The following PLXNC1 variants were observed in gnomAD, a reference collection of about 807,000 sequenced individuals.
PLXNC1 encodes plexin-C1.
Under a neutral mutation model 178.2 loss-of-function variants are expected in PLXNC1, and 75 were observed. The ratio of observed to expected loss-of-function variants is 0.42; its 90% CI spans 0.35 to 0.51. PLXNC1 has a LOEUF of 0.51. Ranked by LOEUF, PLXNC1 falls within the 20% of genes least tolerant of loss-of-function variation. The pLI is 0.02. For missense variants in PLXNC1, 1,503 were observed against 1,984.4 expected, an observed-to-expected ratio of 0.76 and a Z score of 4.61; for synonymous variants, 790 against 779.9, an observed-to-expected ratio of 1.01 and a Z score of -0.22.
At chr12:94,186,531 A>G in intron 4 of PLXNC1, 58 bp downstream of exon 4, 1 of 1,069,202 alleles carries the variant, frequency 9.4e-7, no homozygotes, top group Non-Finnish European at 1.4e-6. Context: ...CATGCGGCAG[A>G]ACACTTGTTG....
At chr12:94,251,337 G>C in intron 14 of PLXNC1, 89 bp from the exon 15 acceptor site, 1 of 755,138 alleles carries the variant, frequency 1.3e-6, no homozygotes. Flanking sequence ...GCTTCTTTTT[G>C]TATTGTGAAG....
At chr12:94,226,183 C>G (rs1461144659) in intron 7 of PLXNC1, among the ~76,000 whole-genome samples, 1 of 152,220 alleles carries the variant, frequency 6.6e-6, no homozygotes, top group Non-Finnish European at 1.5e-5. Context: ...CACTTTCTGT[C>G]TCACATCTTC....
chr12:94,288,912 GT>G (rs777888486), intron 23 of PLXNC1, among the ~76,000 whole-genome samples: 95 of 152,256 alleles, frequency 6.2e-4, no homozygotes, highest in Non-Finnish European at 1.2e-3. Flanking sequence ...TGATTCTCAT[GT>G]TTTCAGATTT....
chr12:94,284,087 GAAAA>G (rs796439911), intron 23 of PLXNC1, among the ~76,000 whole-genome samples: 9 of 82,696 alleles, frequency 1.1e-4, no homozygotes, highest in African/African-American at 3.0e-4. Context: ...CATGTCAGGG[GAAAA>G]AAAAAAAAAA....
intron 20 of PLXNC1, among the ~76,000 whole-genome samples, chr12:94,263,408 G>C (rs1965058840): frequency 6.6e-6 from 1 of 152,030 alleles, no homozygotes; most frequent in Admixed American, 6.5e-5. Flanking sequence ...GCTCAGTCTA[G>C]CTACTCTCCA....
Position 94,305,239 on chromosome 12 carries a change from A to G in PLXNC1, c.4661A>G (p.His1554Arg), listed in dbSNP as rs1331162154. ...GAAGAAGCTCAGAAACAACTCTTGC[A>G]TGTAAAAGTCTTATTTGATGAAAAG... ...GLEEAQKQLL[H>R]VKVLFDEKKK... Residue 1554 changes from histidine (H) to arginine (R), a missense_variant, in exon 31 of 31, where the codon CAT becomes CGT. Physicochemically the swap from His to Arg is conservative, Grantham distance 29 (BLOSUM62 0). This residue lies in a region of PLXNC1 where 639 missense variants were observed against 979.7 expected (regional missense o/e 0.65). Coordinates refer to ENST00000258526, the MANE Select transcript of PLXNC1 (RefSeq NM_005761.3). 1.9e-6 allele frequency: 3 copies of G among 1,611,562 alleles called. No homozygotes were observed. The highest frequency in any genetic ancestry group is 2.2e-5 in the East Asian group (1 of 44,658).
chr12:94,184,315 G>A (rs1042130072), intron 3 of PLXNC1, among the ~76,000 whole-genome samples: 10 of 151,346 alleles, frequency 6.6e-5, no homozygotes, highest in Admixed American at 3.9e-4. Context: ...TAATAGAGAC[G>A]GGGTTTCACC....
At chr12:94,159,346 A>G (rs963495104) in intron 1 of PLXNC1, among the ~76,000 whole-genome samples, 9 of 152,214 alleles carry the variant, frequency 5.9e-5, no homozygotes, top group East Asian at 1.9e-4. Flanking sequence ...GCACTTCACT[A>G]AACAGGTAAT....
intron 20 of PLXNC1, among the ~76,000 whole-genome samples, chr12:94,264,106 C>T (rs1965097481): frequency 6.6e-6 from 1 of 152,094 alleles, no homozygotes; most frequent in African/African-American, 2.4e-5. Flanking sequence ...GGTTCTTCCT[C>T]CACCACAGAG....
intron 4 of PLXNC1, among the ~76,000 whole-genome samples, chr12:94,189,638 C>T (rs1273521713): frequency 6.6e-6 from 1 of 151,500 alleles, no homozygotes; most frequent in African/African-American, 2.4e-5. Context: ...TGAGATCACA[C>T]CTCTACTTTC....
At position 94,265,170 on chromosome 12, in the gene PLXNC1, T is replaced by C; in HGVS notation, c.3542T>C (p.Leu1181Pro). The C allele has an allele frequency of 6.2e-7, 1 of 1,614,080 alleles. No individual in the cohort carries two copies. The highest frequency in any genetic ancestry group is 8.5e-7 in the Non-Finnish European group (1 of 1,179,940). The change falls in exon 21 of 31, where the codon CTG (leucine) becomes CCG (proline). Residue 1181 changes from leucine to proline, a missense_variant. Around this residue, in one of 4 missense-constraint regions of PLXNC1, gnomAD observed 639 missense variants for 979.7 expected, o/e 0.65. Transcript: ENST00000258526. Reference sequence around the variant, plus strand: ...GTGGATGTAATCACTTGCAAAGCCCTGTACACACTTAATGAAGACTGGCTG... The same window carrying C: ...GTGGATGTAATCACTTGCAAAGCCCCGTACACACTTAATGAAGACTGGCTG... ...GPVDVITCKALYTLNEDWLLW... is the reference protein window; with the variant it reads ...GPVDVITCKAPYTLNEDWLLW...
intron 22 of PLXNC1, chr12:94,279,995 G>A (rs1056351918): frequency 2.5e-5 from 10 of 398,618 alleles, no homozygotes; most frequent in African/African-American, 1.4e-4. Context: ...TGCCCTCTGC[G>A]TGTGTTGCAT....
intron 10 of PLXNC1, 63 bp from the exon 11 acceptor site, chr12:94,240,422 T>G: frequency 8.0e-7 from 1 of 1,255,564 alleles, no homozygotes; most frequent in Non-Finnish European, 1.1e-6. Context: ...TGCTGTCACC[T>G]TGGGTAATCA....
intron 14 of PLXNC1, among the ~76,000 whole-genome samples, chr12:94,248,699 G>T (rs188143707): frequency 1.3e-5 from 2 of 152,266 alleles, no homozygotes; most frequent in Admixed American, 1.3e-4. Flanking sequence ...AGTAGGATCG[G>T]CAAGCAAAAT....
intron 20 of PLXNC1, chr12:94,262,452 G>C: frequency 3.1e-6 from 3 of 979,906 alleles, no homozygotes; most frequent in Non-Finnish European, 3.6e-6. Flanking sequence ...AGAGGGGTGA[G>C]ATGTTCAGAA....
intron 1 of PLXNC1, among the ~76,000 whole-genome samples, chr12:94,151,151 G>T (rs1445865580): frequency 6.6e-6 from 1 of 152,110 alleles, no homozygotes; most frequent in Non-Finnish European, 1.5e-5. Flanking sequence ...CATTGTTTTG[G>T]TACAAAATGA....
chr12:94,166,750 G>C, intron 1 of PLXNC1, among the ~76,000 whole-genome samples: 1 of 151,784 alleles, frequency 6.6e-6, no homozygotes, highest in Admixed American at 6.6e-5. Flanking sequence ...TGATTTAATG[G>C]CTGCACCACT....
chr12:94,180,186 T>G (rs1267699164), intron 2 of PLXNC1, among the ~76,000 whole-genome samples: 1 of 152,162 alleles, frequency 6.6e-6, no homozygotes, highest in Non-Finnish European at 1.5e-5. Flanking sequence ...GACCCTTGAT[T>G]ATCATTCCCC....
Position 94,307,542 on chromosome 12 carries a change from C to CA in PLXNC1, c.*2264dup, listed in dbSNP as rs1426956182. 2.6e-5 allele frequency: 4 copies of CA among 151,874 alleles called. No homozygotes were observed. Among genetic ancestry groups the CA allele is most frequent in the Admixed American group, 2.6e-4 (4 of 15,256 alleles). The allele number at this position is 151,874 out of a possible 1,614,324, so 9.4% of individuals were successfully genotyped here. On this transcript the variant is annotated 3_prime_UTR_variant, in exon 31 of 31. Transcript: ENST00000258526. ...TAACACTAGTGTCTACAGCAGCATT[C>CA]AAAAAAATTCTGTTACCTTTTCTGT...
Sources: gnomAD v4.1 joint callset for allele counts (sites outside exome capture counted in the v4.1 genomes callset) on GRCh38, gnomAD v4.1.1 for gene constraint, gnomAD v4.1.1 regional missense constraint, MANE v1.5 for transcripts, NCBI Gene and HGNC (gene_info 2026-07-23, HGNC 2026-07-21) for gene names.